FZR1: variants seen among roughly 807,000 people sequenced by gnomAD.
FZR1 encodes the protein fizzy-related protein homolog.
FZR1 carries 11 observed loss-of-function variants against 63.6 expected under a neutral mutation model. That is an observed-to-expected ratio of 0.17 (90% confidence interval 0.11 to 0.29). The LOEUF is 0.29. Ranked by LOEUF, FZR1 falls within the 10% of genes least tolerant of loss-of-function variation. The probability of loss-of-function intolerance (pLI) is 1.00; values close to 1 mark genes in which losing one functional copy is unlikely to be tolerated. For synonymous variants in FZR1, 328 were observed against 297.9 expected (o/e 1.10, Z -1.04); for missense variants, 440 against 687.5 (o/e 0.64, Z 4.03).
intron 12 of FZR1, 192 bp from the exon 13 acceptor site, chr19:3,534,229 A>AAAT: frequency 1.9e-5 from 2 of 107,948 alleles, no homozygotes; most frequent in Non-Finnish European, 3.7e-5. Context: ...CTTAAAATTA[A>AAAT]AAAAAAAAAA....
At chr19:3,517,826 A>C (rs2083069480) in intron 1 of FZR1, among the ~76,000 whole-genome samples, 1 of 151,958 alleles carries the variant, frequency 6.6e-6, no homozygotes, top group Admixed American at 6.6e-5. Context: ...GGGTCATCTG[A>C]AATGCTGTGA....
intron 7 of FZR1, among the ~76,000 whole-genome samples, chr19:3,530,321 A>T (rs1483764236): frequency 2.4e-5 from 2 of 84,580 alleles, no homozygotes; most frequent in South Asian, 4.0e-4. Flanking sequence ...AGAGCGGAGG[A>T]GAGTGGTTGA....
Position 3,530,773 on chromosome 19 carries a change from CACTG to C in FZR1, c.655-16_655-13del. On this transcript the variant is annotated splice_polypyrimidine_tract_variant and intron_variant, in intron 7 of 13. Coordinates refer to ENST00000441788, the MANE Select transcript of FZR1 (RefSeq NM_016263.4). ...GCTTCGAGACCAGCGGCAAAGCTCA[CACTG>C]ACCTCTGCCTCCAGGTGACGCGGCT... 6.2e-7 allele frequency: 1 copy of C among 1,606,482 alleles called. No homozygotes were observed. The highest frequency in any genetic ancestry group is 8.5e-7 in the Non-Finnish European group (1 of 1,174,614).
At chr19:3,529,971 T>G (rs2083222722) in intron 7 of FZR1, among the ~76,000 whole-genome samples, 1 of 86,060 alleles carries the variant, frequency 1.2e-5, no homozygotes, top group Non-Finnish European at 2.3e-5. Context: ...TGGATGAGAG[T>G]GGTTGAGGGA....
chr19:3,529,331 T>TGG (rs1599788619), intron 7 of FZR1, among the ~76,000 whole-genome samples: 1 of 109,760 alleles, frequency 9.1e-6, no homozygotes, highest in African/African-American at 3.5e-5. Flanking sequence ...GGAGAGTGGA[T>TGG]GAGAGTGGTT....
rs958789724 is a variant in FZR1 at position 3,533,076 on chromosome 19, T to C, written c.1243-218T>C. Among the ~76,000 whole-genome samples the C allele has an allele frequency of 6.6e-6, 1 of 152,024 alleles. No individual in the cohort carries two copies. The highest frequency in any genetic ancestry group is 1.5e-5 in the Non-Finnish European group (1 of 67,978). ...GGCCCCGTTTGGGTCCTTGTTGGGC[T>C]CCAGCCTTTGGCGGTGGGTGGAGGG... On this transcript the variant is annotated intron_variant, in intron 11 of 13. Transcript: ENST00000441788. This position sits in a 1 kb window ranked among gnomAD's most constrained non-coding sequence, Gnocchi z 4.9.
Position 3,515,798 on chromosome 19 carries a change from C to T in FZR1, c.-34-7158C>T, listed in dbSNP as rs1022049235. Among the ~76,000 whole-genome samples, 3 of 150,284 alleles carry T rather than the reference C, an allele frequency of 2.0e-5. No homozygotes were observed. The highest frequency in any genetic ancestry group is 2.0e-4 in the East Asian group (1 of 5,116). ...AAAAAAAAAAGGAATTCAAGAAGTA[C>T]AAAACGAGGTGCCAGGAGAAATAAG... On this transcript the variant is annotated intron_variant, in intron 1 of 13. Coordinates refer to ENST00000441788, the MANE Select transcript of FZR1 (RefSeq NM_016263.4). The surrounding 1 kb of genome is among the most constrained non-coding windows in gnomAD (Gnocchi z 4.6).
At chr19:3,527,599 G>C in intron 6 of FZR1, 32 bp from the exon 7 acceptor site, 5 of 1,578,540 alleles carry the variant, frequency 3.2e-6, no homozygotes, top group Non-Finnish European at 4.3e-6. Context: ...CAAGTGCCGT[G>C]GCTCACGGAT....
In FZR1 at chr19:3,514,365, C is replaced by T. The variant is rs1419869690; in HGVS notation, c.-35+7891C>T. On this transcript the variant is annotated intron_variant, in intron 1 of 13. Transcript: ENST00000441788. This position sits in a 1 kb window ranked among gnomAD's most constrained non-coding sequence, Gnocchi z 4.2. Reference sequence around the variant, plus strand: ...CGAGAGCAGGGTCTCTGCCCTTGCACCCTGTGGACATTGGGGCCGGATCGT... The same window carrying T: ...CGAGAGCAGGGTCTCTGCCCTTGCATCCTGTGGACATTGGGGCCGGATCGT... Among the ~76,000 whole-genome samples, 2 of 152,198 alleles carry T rather than the reference C, an allele frequency of 1.3e-5. No homozygotes were observed. The highest frequency in any genetic ancestry group is 3.9e-4 in the East Asian group (2 of 5,190).
At chr19:3,523,721 C>G (rs938131567) in intron 2 of FZR1, among the ~76,000 whole-genome samples, 3 of 152,246 alleles carry the variant, frequency 2.0e-5, no homozygotes, top group African/African-American at 7.2e-5. Flanking sequence ...GCCATTGTCC[C>G]GAGTCCCTCC....
chr19:3,534,782 C>T lies in FZR1; in HGVS notation c.1441-13C>T. 1 of 1,612,108 alleles carries T rather than the reference C, an allele frequency of 6.2e-7. No individual in the cohort carries two copies. Among genetic ancestry groups the T allele is most frequent in the Non-Finnish European group, 8.5e-7 (1 of 1,179,022 alleles). ...TGCGGCTCAGCGCATCTGCCATCCCCATGTGTCTGCAGGAGTCTGTGTCTG... is the reference window on the plus strand; with the variant it reads ...TGCGGCTCAGCGCATCTGCCATCCCTATGTGTCTGCAGGAGTCTGTGTCTG... On this transcript the variant is annotated splice_polypyrimidine_tract_variant and intron_variant, in intron 13 of 13. Transcript: ENST00000441788.
chr19:3,512,104 A>G (rs2083028664), intron 1 of FZR1, among the ~76,000 whole-genome samples: 1 of 152,116 alleles, frequency 6.6e-6, no homozygotes, highest in Non-Finnish European at 1.5e-5. Context: ...ATGGGAGGAG[A>G]TAAGTGTCAT....
rs770335520 is a variant in FZR1, at chr19:3,532,568, C to T, written c.1160C>T (p.Thr387Met). Residue 387 changes from threonine to methionine, a missense_variant, in exon 11 of 14, where the codon ACG becomes ATG. Physicochemically the swap from Thr to Met is moderately conservative, Grantham distance 81. Transcript: ENST00000441788. Reference protein sequence around the residue: ...TADRCIRFWNTLTGQPLQCID... With the variant: ...TADRCIRFWNMLTGQPLQCID... ...GACCGCTGTATCCGCTTCTGGAACA[C>T]GCTGACAGGACAACCACTGCAGTGT... The T allele has an allele frequency of 5.0e-6, 8 of 1,612,750 alleles. No individual in the cohort carries two copies. Among genetic ancestry groups the T allele is most frequent in the Admixed American group, 1.7e-5 (1 of 60,018 alleles).
At chr19:3,529,959 A>C (rs2083222551) in intron 7 of FZR1, among the ~76,000 whole-genome samples, 1 of 112,148 alleles carries the variant, frequency 8.9e-6, no homozygotes, top group African/African-American at 3.5e-5. Flanking sequence ...CAGATGCAAG[A>C]GTGGATGAGA....
intron 1 of FZR1, among the ~76,000 whole-genome samples, chr19:3,518,122 C>G (rs1258308087): frequency 6.7e-6 from 1 of 149,858 alleles, no homozygotes; most frequent in African/African-American, 2.5e-5. Context: ...TCAAGTGATT[C>G]ACCTGCCTCA....
At chr19:3,522,144 T>C (rs1298890090) in intron 1 of FZR1, among the ~76,000 whole-genome samples, 1 of 152,230 alleles carries the variant, frequency 6.6e-6, no homozygotes, top group African/African-American at 2.4e-5. Flanking sequence ...TACATGGCCT[T>C]GGGCTGTGGT....
Position 3,535,000 on chromosome 19 carries a change from T to C in FZR1, c.*164T>C. The stretch of plus-strand genomic sequence containing the variant: ...TCCTGGAGTCTCATTAAATGCCTGA[T>C]TGTGAACCATGTCCACCAGTATCTG... On this transcript the variant is annotated 3_prime_UTR_variant, in exon 14 of 14. Transcript: ENST00000441788. 1 of 633,182 alleles carries C rather than the reference T, an allele frequency of 1.6e-6. No homozygotes were observed. Among genetic ancestry groups the C allele is most frequent in the Non-Finnish European group, 2.8e-6 (1 of 352,158 alleles). The allele number at this position is 633,182 out of a possible 1,614,324, so 39.2% of individuals were successfully genotyped here.
intron 1 of FZR1, among the ~76,000 whole-genome samples, chr19:3,517,128 A>T (rs2083064125): frequency 6.6e-6 from 1 of 152,190 alleles, no homozygotes; most frequent in South Asian, 2.1e-4. Context: ...GGTGGCTCAC[A>T]CCTGTAACCC....
At chr19:3,518,829 A>G (rs985814147) in intron 1 of FZR1, among the ~76,000 whole-genome samples, 3 of 152,202 alleles carry the variant, frequency 2.0e-5, no homozygotes, top group African/African-American at 7.2e-5. Context: ...AAACTACTGC[A>G]TTCCAGCCTG....
Sources: allele counts gnomAD v4.1 joint callset (sites outside exome capture counted in the v4.1 genomes callset), GRCh38; gene constraint gnomAD v4.1.1; non-coding constraint Gnocchi (gnomAD v3.1); transcripts MANE v1.5; gene names NCBI Gene and HGNC (gene_info 2026-07-23, HGNC 2026-07-21).